The following TUBA8 variants were observed in gnomAD, a reference collection of about 807,000 sequenced individuals.
The protein encoded by TUBA8 is tubulin alpha-8 chain.
TUBA8 carries 29 observed loss-of-function variants against 34.7 expected under a neutral mutation model. The observed-to-expected ratio is 0.84, with a 90% CI of 0.62 to 1.14. TUBA8 has a LOEUF of 1.14. TUBA8 is among the 50% of genes most tolerant of loss of function. The probability of loss-of-function intolerance (pLI) is 0.00; values close to 1 mark genes in which losing one functional copy is unlikely to be tolerated. For missense variants in TUBA8, 541 were observed against 599.2 expected, an observed-to-expected ratio of 0.90 and a Z score of 1.01; for synonymous variants, 226 against 231.2, an observed-to-expected ratio of 0.98 and a Z score of 0.21.
chr22:18,118,309 T>C lies in TUBA8; in HGVS notation c.4-3170T>C, dbSNP rs1484242829. 2 of 152,254 alleles carry C rather than the reference T, an allele frequency of 1.3e-5. No homozygotes were observed. The highest frequency in any genetic ancestry group is 2.9e-5 in the Non-Finnish European group (2 of 68,046). 9.4% of individuals were successfully genotyped at this position (152,254 alleles called of 1,614,324 possible). On this transcript the variant is annotated intron_variant, in intron 1 of 4. Coordinates refer to ENST00000330423, the MANE Select transcript of TUBA8 (RefSeq NM_018943.3). The surrounding 1 kb of genome is among the most constrained non-coding windows in gnomAD (Gnocchi z 4.0). ...TTCAATTAAAGAAAAAAGAGCCTTC[T>C]CTAACTAACGGGGCTGTCTGGATAG...
rs763071854 is a variant in TUBA8, at chr22:18,121,712, G to A, written c.226+11G>A. 1.2e-6 allele frequency: 2 copies of A among 1,610,752 alleles called. No individual in the cohort carries two copies. The highest frequency in any genetic ancestry group is 1.3e-5 in the African/African-American group (1 of 74,846). On this transcript the variant is annotated intron_variant, in intron 2 of 4. Transcript: ENST00000330423. This position sits in a 1 kb window ranked among gnomAD's most constrained non-coding sequence, Gnocchi z 4.8. ...AGCCTACTGTAGTGGGTGAGTGGGG[G>A]CGGAGTTCCCCTCCACAGAGAACAT...
Position 18,111,740 on chromosome 22 carries a change from G to A in TUBA8, c.3+872G>A, listed in dbSNP as rs183342862. The A allele has an allele frequency of 1.9e-3, 295 of 152,384 alleles. 4 individuals are homozygous for A. The highest frequency in any genetic ancestry group is 0.01 in the South Asian group (49 of 4,836). 9.4% of individuals were successfully genotyped at this position (152,384 alleles called of 1,614,324 possible). A position where few individuals can be genotyped will look rare whatever the true frequency, so the allele number is the denominator to read the frequency against. On this transcript the variant is annotated intron_variant, in intron 1 of 4. Transcript: ENST00000330423. The surrounding 1 kb of genome is among the most constrained non-coding windows in gnomAD (Gnocchi z 5.1). ...CTGGACCCCTGATCTTTCAGCAGTA[G>A]GGAGATGGGCTGGAAAGATTGGGGG... is the stretch of plus-strand genomic sequence containing the variant.
intron 2 of TUBA8, chr22:18,123,144 G>T (rs971374684): frequency 6.8e-6 from 1 of 146,610 alleles, no homozygotes; most frequent in Non-Finnish European, 1.5e-5. Context: ...AAAAATTGTT[G>T]GTACACCTTG....
At chr22:18,130,454 G>T in intron 4 of TUBA8, 1 of 245,422 alleles carries the variant, frequency 4.1e-6, no homozygotes, top group Non-Finnish European at 8.0e-6. Context: ...ACAGGGTCTT[G>T]CTGTGTCCCT....
intron 4 of TUBA8, 68 bp downstream of exon 4, chr22:18,127,102 C>A (rs1254569403): frequency 2.3e-5 from 36 of 1,538,690 alleles, no homozygotes; most frequent in Admixed American, 6.8e-5. Flanking sequence ...CAAGGATATG[C>A]AATTCCATGG....
At position 18,123,967 on chromosome 22, in the gene TUBA8, G is replaced by A; in HGVS notation, c.227-189G>A. 4.4e-6 allele frequency: 3 copies of A among 678,246 alleles called. No homozygotes were observed. The East Asian group carries it at 8.5e-5, about 19-fold the overall frequency. 42.0% of individuals were successfully genotyped at this position (678,246 alleles called of 1,614,324 possible). A position where few individuals can be genotyped will look rare whatever the true frequency, so the allele number is the denominator to read the frequency against. ...CCGCCCACATGAGCCACAGGCCTTG[G>A]CTCTGTTAGTCCCTGAGCTACCCGG... On this transcript the variant is annotated intron_variant, in intron 2 of 4. Coordinates refer to ENST00000330423, the MANE Select transcript of TUBA8 (RefSeq NM_018943.3).
In TUBA8 at chr22:18,110,960, C is replaced by T. The variant is rs1927785362; in HGVS notation, c.3+92C>T. 1 of 1,527,918 alleles carries T rather than the reference C, an allele frequency of 6.5e-7. No individual in the cohort carries two copies. Among genetic ancestry groups the T allele is most frequent in the African/African-American group, 1.4e-5 (1 of 72,932 alleles). The allele number at this position is 1,527,918 out of a possible 1,614,324, so 94.6% of individuals were successfully genotyped here. On this transcript the variant is annotated intron_variant, in intron 1 of 4. Coordinates refer to ENST00000330423, the MANE Select transcript of TUBA8 (RefSeq NM_018943.3). The surrounding 1 kb of genome is among the most constrained non-coding windows in gnomAD (Gnocchi z 6.2). ...CGCGGAGGCGCACGGACCCGTCTTC[C>T]TGGAGCCGCAGGGCTCAAGGCCTTC...
chr22:18,124,414 G>A lies in TUBA8; in HGVS notation c.375+110G>A. The A allele has an allele frequency of 7.6e-7, 1 of 1,320,372 alleles. No homozygotes were observed. The highest frequency in any genetic ancestry group is 2.6e-5 in the Admixed American group (1 of 38,602). The allele number at this position is 1,320,372 out of a possible 1,614,324, so 81.8% of individuals were successfully genotyped here. On this transcript the variant is annotated intron_variant, in intron 3 of 4. Coordinates refer to ENST00000330423, the MANE Select transcript of TUBA8 (RefSeq NM_018943.3). The surrounding 1 kb of genome is among the most constrained non-coding windows in gnomAD (Gnocchi z 4.3). Reference sequence around the variant, plus strand: ...GGCATCTGACCCCTGGCTATAGGATGGAGCTCCTAAGGTTTGGGAATTTCT... The same window carrying A: ...GGCATCTGACCCCTGGCTATAGGATAGAGCTCCTAAGGTTTGGGAATTTCT...
intron 1 of TUBA8, chr22:18,113,898 C>G (rs1160554916): frequency 5.3e-5 from 8 of 152,284 alleles, no homozygotes; most frequent in Non-Finnish European, 1.2e-4. Context: ...TGGGTCAGGC[C>G]CATACAGAGC....
At chr22:18,125,285 G>T (rs1047466478) in intron 3 of TUBA8, 3 of 152,144 alleles carry the variant, frequency 2.0e-5, no homozygotes. Context: ...GGAGGCTGAG[G>T]GGGGTGGATC....
intron 1 of TUBA8, chr22:18,117,462 C>T (rs1569198016): frequency 6.6e-6 from 1 of 152,316 alleles, no homozygotes; most frequent in Non-Finnish European, 1.5e-5. Context: ...CCCCTCCCAG[C>T]TCTTCATTTC....
At position 18,131,351 on chromosome 22, in the gene TUBA8, A is replaced by C. The variant is rs956677866; in HGVS notation, c.*215A>C. 8.7e-6 allele frequency: 5 copies of C among 577,724 alleles called. No individual in the cohort carries two copies. The Admixed American group carries it at 1.5e-4, about 17-fold the overall frequency. 35.8% of individuals were successfully genotyped at this position (577,724 alleles called of 1,614,324 possible). A position where few individuals can be genotyped will look rare whatever the true frequency, so the allele number is the denominator to read the frequency against. On this transcript the variant is annotated 3_prime_UTR_variant, in exon 5 of 5. Transcript: ENST00000330423. The surrounding 1 kb of genome is among the most constrained non-coding windows in gnomAD (Gnocchi z 5.3). ...GGGTAGGAGCAGCTTTGTGTCACTA[A>C]AGAAAGTGAGGGCCACTGTCTCCGG...
At chr22:18,127,082 G>C (rs1176264209) in intron 4 of TUBA8, 48 bp downstream of exon 4, 3 of 1,604,546 alleles carry the variant, frequency 1.9e-6, no homozygotes, top group Non-Finnish European at 2.6e-6. Flanking sequence ...GAGAAGCAGA[G>C]GGAGGTGACC....
Position 18,126,857 on chromosome 22 carries a change from C to T in TUBA8, c.879C>T (p.Ser293=), listed in dbSNP as rs772326471. ...AGCTCTCTGTGGCCGAGATAACCAG[C>T]TCCTGCTTTGAGCCCAACAGCCAGA... ...HEQLSVAEIT[S]SCFEPNSQMV... is the part of the protein sequence containing the mutation. The change falls in exon 4 of 5, where the codon AGC becomes AGT. Residue 293 remains serine (S), a synonymous_variant. Transcript: ENST00000330423. The surrounding 1 kb of genome is among the most constrained non-coding windows in gnomAD (Gnocchi z 4.0). 1.2e-6 allele frequency: 2 copies of T among 1,611,944 alleles called. No homozygotes were observed. The highest frequency in any genetic ancestry group is 2.2e-5 in the East Asian group (1 of 44,858).
At chr22:18,122,512 A>G (rs1415323057) in intron 2 of TUBA8, 4 of 152,324 alleles carry the variant, frequency 2.6e-5, no homozygotes, top group Non-Finnish European at 5.9e-5. Context: ...CCCCGAAGAG[A>G]AGAGGTGACA....
rs1928035643 is a variant in TUBA8, at chr22:18,118,230, A to G, written c.4-3249A>G. On this transcript the variant is annotated intron_variant, in intron 1 of 4. Transcript: ENST00000330423. The surrounding 1 kb of genome is among the most constrained non-coding windows in gnomAD (Gnocchi z 4.0). Reference sequence around the variant, plus strand: ...ATCAATCACGTAATTAGAAGATGGAATAGGGCAATATTTGATAATCTATTA... The same window carrying G: ...ATCAATCACGTAATTAGAAGATGGAGTAGGGCAATATTTGATAATCTATTA... 1.3e-5 allele frequency: 2 copies of G among 152,210 alleles called. No individual in the cohort carries two copies. Among genetic ancestry groups the G allele is most frequent in the Admixed American group, 6.5e-5 (1 of 15,278 alleles). 9.4% of individuals were successfully genotyped at this position (152,210 alleles called of 1,614,324 possible).
At chr22:18,122,782 G>GAATGGACTTGGAATATTTTTTGC (rs1928184808) in intron 2 of TUBA8, 1 of 152,056 alleles carries the variant, frequency 6.6e-6, no homozygotes, top group African/African-American at 2.4e-5. Flanking sequence ...CATGTCCCTA[G>GAATGGACTTGGAATATTTTTTGC]AATATTTTAA....
At chr22:18,127,398 T>TG (rs989029779) in intron 4 of TUBA8, 3 of 189,516 alleles carry the variant, frequency 1.6e-5, no homozygotes, top group Admixed American at 5.7e-5. Flanking sequence ...AGTTTTGTTT[T>TG]TTTTTTTTTT....
intron 1 of TUBA8, chr22:18,120,424 C>T (rs1770799998): frequency 6.6e-6 from 1 of 152,160 alleles, no homozygotes; most frequent in African/African-American, 2.4e-5. Flanking sequence ...GGATAATGAC[C>T]TCCAGCTGCA....
Sources: gnomAD v4.1 joint callset for allele counts on GRCh38, gnomAD v4.1.1 for gene constraint, Gnocchi (gnomAD v3.1) non-coding constraint, MANE v1.5 for transcripts, NCBI Gene and HGNC (gene_info 2026-07-23, HGNC 2026-07-21) for gene names.